POU6F2: variants seen among roughly 807,000 people sequenced by gnomAD.
POU6F2 encodes POU class 6 homeobox 2.
Under a neutral mutation model 71.3 loss-of-function variants are expected in POU6F2, and 31 were observed. That is an observed-to-expected ratio of 0.43 (90% CI 0.33 to 0.59). The LOEUF (loss-of-function observed/expected upper bound fraction) is 0.59, where lower values mean the gene tolerates loss of function less well. POU6F2 is among the 20% of genes least tolerant of loss of function. The pLI is 0.04. For synonymous variants in POU6F2, 347 were observed against 355.7 expected (o/e 0.98, Z 0.27); for missense variants, 783 against 856.8 (o/e 0.91, Z 1.07).
At chr7:39,349,111 C>A (rs963537756) in intron 5 of POU6F2, among the ~76,000 whole-genome samples, 3 of 152,168 alleles carry the variant, frequency 2.0e-5, no homozygotes. Flanking sequence ...GTCCAATAGG[C>A]TGGGCCGTGG....
rs1414524389 is a variant in POU6F2, at chr7:39,433,182, A to G, written c.1219A>G (p.Asn407Asp). The G allele has an allele frequency of 6.2e-7, 1 of 1,613,700 alleles. No individual in the cohort carries two copies. Residue 407 changes from asparagine (N) to aspartate (D), a missense_variant, in exon 7 of 10, where the codon AAC (asparagine) becomes GAC (aspartate). Transcript: ENST00000518318. Reference sequence around the variant, plus strand: ...GCCAATCACCCCCCAGCTCCTCACAAACGCCCAGGGCCAGATCATCGCCAC... The same window carrying G: ...GCCAATCACCCCCCAGCTCCTCACAGACGCCCAGGGCCAGATCATCGCCAC... ...VQPITPQLLTNAQGQIIATVI... is the reference protein window; with the variant it reads ...VQPITPQLLTDAQGQIIATVI...
chr7:39,054,916 T>C (rs1204357507), intron 1 of POU6F2, among the ~76,000 whole-genome samples: 2 of 152,064 alleles, frequency 1.3e-5, no homozygotes, highest in Non-Finnish European at 2.9e-5. Context: ...GGCCAGATCA[T>C]GTAATGATTA....
chr7:39,015,455 A>C lies in POU6F2; in HGVS notation c.105+37397A>C, dbSNP rs1409070065. Reference sequence around the variant, plus strand: ...TATAATATATAATCTAATATATATTATTATATATAGATATATTATATCTAT... The same window carrying C: ...TATAATATATAATCTAATATATATTCTTATATATAGATATATTATATCTAT... On this transcript the variant is annotated intron_variant, in intron 1 of 9. Transcript: ENST00000518318. Among the ~76,000 whole-genome samples, 5 of 125,050 alleles carry C rather than the reference A, an allele frequency of 4.0e-5. No homozygotes were observed. The East Asian group carries it at 1.1e-3, about 28-fold the overall frequency. The allele number at this position is 125,050 out of a possible 152,430, so 82.0% of individuals were successfully genotyped here.
At chr7:39,418,983 ATG>A (rs371686192) in intron 6 of POU6F2, among the ~76,000 whole-genome samples, 6 of 136,810 alleles carry the variant, frequency 4.4e-5, no homozygotes, top group African/African-American at 8.3e-5. Flanking sequence ...ATGTATATAT[ATG>A]TGTATATATG....
intron 6 of POU6F2, among the ~76,000 whole-genome samples, chr7:39,410,106 G>T (rs1787522442): frequency 6.6e-6 from 1 of 152,182 alleles, no homozygotes; most frequent in Non-Finnish European, 1.5e-5. Context: ...CCAGCACTGT[G>T]GGAGGCCAAG....
chr7:39,346,713 G>A (rs891609412), intron 5 of POU6F2, among the ~76,000 whole-genome samples: 8 of 152,264 alleles, frequency 5.3e-5, no homozygotes, highest in African/African-American at 1.9e-4. Context: ...TGAATGAGCA[G>A]TGCTTGGCCA....
At chr7:39,405,841 C>G (rs1431319744) in intron 5 of POU6F2, among the ~76,000 whole-genome samples, 1 of 152,198 alleles carries the variant, frequency 6.6e-6, no homozygotes, top group East Asian at 1.9e-4. Flanking sequence ...CTCCCACTCT[C>G]TCTTTCTTCC....
chr7:39,025,172 G>A (rs919453106), intron 1 of POU6F2, among the ~76,000 whole-genome samples: 8 of 152,092 alleles, frequency 5.3e-5, no homozygotes, highest in Non-Finnish European at 8.8e-5. Flanking sequence ...GATTATTGCT[G>A]CAATTTCAGA....
In POU6F2 at chr7:39,451,545, T is replaced by A; in HGVS notation, c.1333T>A (p.Ser445Thr). The A allele has an allele frequency of 6.2e-7, 1 of 1,613,322 alleles. No individual in the cohort carries two copies. Among genetic ancestry groups the A allele is most frequent in the Non-Finnish European group, 8.5e-7 (1 of 1,179,576 alleles). ...TCCCCTCATGTAGCTCCACCAACCCTCCCAGACGTCAGTGGGTCAAGCAGC... is the reference window on the plus strand; with the variant it reads ...TCCCCTCATGTAGCTCCACCAACCCACCCAGACGTCAGTGGGTCAAGCAGC... ...IKPGQQLHQP[S>T]QTSVGQAASQ... is the part of the protein sequence containing the mutation. The change falls in exon 8 of 10, where the codon TCC becomes ACC. Residue 445 changes from serine (S) to threonine (T), a missense_variant. Coordinates refer to ENST00000518318, the MANE Select transcript of POU6F2 (RefSeq NM_001370959.1).
At chr7:39,005,272 T>C (rs574565683) in intron 1 of POU6F2, 24 of 152,380 alleles carry the variant, frequency 1.6e-4, no homozygotes, top group African/African-American at 5.8e-4. Flanking sequence ...GGTCGATGCT[T>C]CATGCTGATG....
intron 1 of POU6F2, among the ~76,000 whole-genome samples, chr7:38,989,841 G>C (rs995177701): frequency 6.6e-6 from 1 of 151,404 alleles, no homozygotes; most frequent in African/African-American, 2.4e-5. Context: ...GTGTGTGTGT[G>C]TGTGTGGAAA....
chr7:39,450,386 A>G (rs531254132), intron 7 of POU6F2, among the ~76,000 whole-genome samples: 2 of 152,180 alleles, frequency 1.3e-5, no homozygotes, highest in African/African-American at 4.8e-5. Flanking sequence ...GCTACATCCA[A>G]TCAACAAAGA....
Position 39,207,553 on chromosome 7 carries a change from C to T in POU6F2, c.531C>T (p.Asn177=), listed in dbSNP as rs139491714. ...CACTGCCAACAGCGAATCTCACCAA[C>T]ATCCAAGGGCTGGTGGCAGCAGCTG... ...VLTLPTANLT[N]IQGLVAAAAA... Residue 177 remains asparagine, a synonymous_variant, in exon 4 of 10, where the codon AAC becomes AAT. Transcript: ENST00000518318. 3.1e-6 allele frequency: 5 copies of T among 1,613,906 alleles called. No homozygotes were observed. Among genetic ancestry groups the T allele is most frequent in the Admixed American group, 1.7e-5 (1 of 60,010 alleles).
chr7:39,088,858 C>T (rs1356706579), intron 2 of POU6F2, among the ~76,000 whole-genome samples: 1 of 152,174 alleles, frequency 6.6e-6, no homozygotes, highest in African/African-American at 2.4e-5. Context: ...GTCTGTTTCC[C>T]TCACAGTATG....
intron 2 of POU6F2, among the ~76,000 whole-genome samples, chr7:39,098,065 G>T (rs1300770387): frequency 6.6e-6 from 1 of 152,078 alleles, no homozygotes; most frequent in African/African-American, 2.4e-5. Context: ...GAACACAATT[G>T]CTCTTCTTTA....
In POU6F2 at chr7:39,207,536, A is replaced by C. The variant is rs762971175; in HGVS notation, c.514A>C (p.Thr172Pro). The C allele has an allele frequency of 6.2e-7, 1 of 1,613,936 alleles. No homozygotes were observed. Among genetic ancestry groups the C allele is most frequent in the Non-Finnish European group, 8.5e-7 (1 of 1,179,910 alleles). The change falls in exon 4 of 10, where the codon ACA (threonine) becomes CCA (proline). Residue 172 changes from threonine (T) to proline (P), a missense_variant. Physicochemically the swap from Thr to Pro is conservative, Grantham distance 38. Coordinates refer to ENST00000518318, the MANE Select transcript of POU6F2 (RefSeq NM_001370959.1). ...GQQGLVLTLP[T>P]ANLTNIQGLV... is the part of the protein sequence containing the mutation. ...GCAAGGACTGGTTCTCACACTGCCA[A>C]CAGCGAATCTCACCAACATCCAAGG...
At chr7:39,329,487 A>G (rs947563195) in intron 4 of POU6F2, among the ~76,000 whole-genome samples, 4 of 152,168 alleles carry the variant, frequency 2.6e-5, no homozygotes, top group Non-Finnish European at 5.9e-5. Context: ...TTTGATTCTT[A>G]GAAGTCATTT....
chr7:39,440,249 T>C (rs543567956), intron 7 of POU6F2, among the ~76,000 whole-genome samples: 6 of 152,340 alleles, frequency 3.9e-5, no homozygotes, highest in African/African-American at 1.4e-4. Flanking sequence ...GTTGGGGAAG[T>C]TCTCCTGGAT....
chr7:39,416,497 G>T (rs538806959), intron 6 of POU6F2, among the ~76,000 whole-genome samples: 1 of 152,270 alleles, frequency 6.6e-6, no homozygotes, highest in Non-Finnish European at 1.5e-5. Flanking sequence ...GAAGATTGTT[G>T]TCCCACACAG....
Sources: gnomAD v4.1 joint callset for allele counts (sites outside exome capture counted in the v4.1 genomes callset) on GRCh38, gnomAD v4.1.1 for gene constraint, MANE v1.5 for transcripts, NCBI Gene and HGNC (gene_info 2026-07-23, HGNC 2026-07-21) for gene names.